Variants in TDRD1 observed in about 807,000 individuals in gnomAD.
TDRD1 encodes tudor domain-containing protein 1.
In TDRD1, 37 loss-of-function variants were observed where a neutral mutation model predicts 140.6. The ratio of observed to expected loss-of-function variants is 0.26; its 90% CI spans 0.20 to 0.35. TDRD1 has a LOEUF of 0.35. TDRD1 is among the 10% of genes least tolerant of loss of function. TDRD1 has a pLI of 1.00. For missense variants in TDRD1, 1,243 were observed against 1,393.0 expected (o/e 0.89, Z 1.71); for synonymous variants, 506 against 475.7 (o/e 1.06, Z -0.83).
intron 18 of TDRD1, among the ~76,000 whole-genome samples, chr10:114,219,220 C>G (rs1282764787): frequency 1.3e-5 from 2 of 152,184 alleles, no homozygotes; most frequent in African/African-American, 2.4e-5. Context: ...CAATAGACGT[C>G]AGAGCCAACT....
chr10:114,212,797 A>G (rs1001986634), intron 14 of TDRD1, among the ~76,000 whole-genome samples: 3 of 152,100 alleles, frequency 2.0e-5, no homozygotes, highest in African/African-American at 7.2e-5. Flanking sequence ...TAATTTTCCT[A>G]CCTACCATAA....
intron 1 of TDRD1, among the ~76,000 whole-genome samples, chr10:114,182,614 G>T (rs964410196): frequency 3.9e-5 from 6 of 152,080 alleles, no homozygotes; most frequent in Admixed American, 2.0e-4. Flanking sequence ...CGGACAGCAG[G>T]TGTCATTTTC....
At chr10:114,226,961 C>T (rs1424440017) in intron 22 of TDRD1, 111 bp from the exon 23 acceptor site, 12 of 646,782 alleles carry the variant, frequency 1.9e-5, no homozygotes, top group East Asian at 2.8e-5. Flanking sequence ...TCAGAACACA[C>T]CTAAATCCAG....
At chr10:114,213,572 C>A in exon 15 of TDRD1, 3 of 1,613,584 alleles carry the variant, frequency 1.9e-6, no homozygotes, top group Non-Finnish European at 2.5e-6. Flanking sequence ...AACCCAGTGA[C>A]GTGAAAGAAA....
At chr10:114,179,448 A>AGGGCCT (rs1291267726) in intron 1 of TDRD1, 32 bp downstream of exon 1, 1 of 150,250 alleles carries the variant, frequency 6.7e-6, no homozygotes. Context: ...GGGGAGGGAG[A>AGGGCCT]GGGCCTGCAT....
At chr10:114,223,514 T>C (rs2036265238) in intron 21 of TDRD1, among the ~76,000 whole-genome samples, 1 of 152,220 alleles carries the variant, frequency 6.6e-6, no homozygotes, top group African/African-American at 2.4e-5. Context: ...ACCAAATTGT[T>C]TTTGTTGGGG....
chr10:114,227,250 T>C, exon 23 of TDRD1: 1 of 1,614,198 alleles, frequency 6.2e-7, no homozygotes, highest in Non-Finnish European at 8.5e-7. Flanking sequence ...TAGTGACATT[T>C]GGTCTGGCAA....
intron 14 of TDRD1, among the ~76,000 whole-genome samples, chr10:114,212,970 C>T (rs2035582705): frequency 6.6e-6 from 1 of 152,196 alleles, no homozygotes; most frequent in African/African-American, 2.4e-5. Context: ...AACTAATCTA[C>T]TTTCTGGCTC....
intron 21 of TDRD1, among the ~76,000 whole-genome samples, chr10:114,223,678 A>T (rs1255332145): frequency 6.6e-6 from 1 of 152,350 alleles, no homozygotes; most frequent in African/African-American, 2.4e-5. Context: ...TTACTTCATT[A>T]GGACTGCATA....
intron 1 of TDRD1, among the ~76,000 whole-genome samples, chr10:114,181,845 CAAAA>C (rs11307772): frequency 3.0e-5 from 4 of 133,952 alleles, no homozygotes; most frequent in African/African-American, 5.6e-5. Context: ...GACAACATCT[CAAAA>C]AAAAAAAAAA....
chr10:114,221,645 C>T (rs1407387029), intron 20 of TDRD1, among the ~76,000 whole-genome samples, 169 bp downstream of exon 20: 1 of 152,174 alleles, frequency 6.6e-6, no homozygotes, highest in Non-Finnish European at 1.5e-5. Flanking sequence ...CTAGCGGGAA[C>T]ATGAAGGGAA....
At chr10:114,210,708 A>C in exon 12 of TDRD1, 1 of 1,612,834 alleles carries the variant, frequency 6.2e-7, no homozygotes, top group Non-Finnish European at 8.5e-7. Context: ...CCCACATTCA[A>C]ACACCAGAAG....
intron 18 of TDRD1, among the ~76,000 whole-genome samples, chr10:114,219,402 T>A (rs937425609): frequency 7.2e-5 from 11 of 152,168 alleles, no homozygotes; most frequent in South Asian, 2.1e-4. Context: ...AAAAACTTTA[T>A]AATAGAATAT....
At chr10:114,189,108 G>T (rs1241947241) in intron 2 of TDRD1, among the ~76,000 whole-genome samples, 1 of 152,208 alleles carries the variant, frequency 6.6e-6, no homozygotes, top group Admixed American at 6.5e-5. Flanking sequence ...CTCAGCTTAA[G>T]GCAGGAGCGC....
chr10:114,214,838 A>C (rs2133096086), intron 16 of TDRD1, among the ~76,000 whole-genome samples: 1 of 151,956 alleles, frequency 6.6e-6, no homozygotes, highest in Middle Eastern at 3.4e-3. Flanking sequence ...CCCAGGTTCA[A>C]GCGATTCTCC....
chr10:114,192,231 G>T (rs1444560010), intron 3 of TDRD1, among the ~76,000 whole-genome samples: 2 of 119,616 alleles, frequency 1.7e-5, no homozygotes, highest in Admixed American at 8.7e-5. Context: ...CTTTAAAACT[G>T]TTTGATACTC....
chr10:114,175,815 T>TA (rs1289128630), upstream of TDRD1, among the ~76,000 whole-genome samples: 2 of 152,174 alleles, frequency 1.3e-5, no homozygotes, highest in African/African-American at 2.4e-5. Flanking sequence ...ACGCACTATG[T>TA]AAAAAAATCA....
intron 3 of TDRD1, among the ~76,000 whole-genome samples, chr10:114,196,660 AT>A (rs1264410412): frequency 2.0e-5 from 3 of 151,568 alleles, no homozygotes; most frequent in African/African-American, 4.8e-5. Context: ...AATTTTAAAA[AT>A]TTCCCCCCCC....
At chr10:114,214,109 A>G (rs1237605094) in exon 16 of TDRD1, 2 of 1,613,122 alleles carry the variant, frequency 1.2e-6, no homozygotes, top group Non-Finnish European at 1.7e-6. Context: ...GTGCTTAAAG[A>G]GGATGGTAAG....
Sources: gnomAD v4.1 joint callset for allele counts (sites outside exome capture counted in the v4.1 genomes callset) on GRCh38, gnomAD v4.1.1 for gene constraint, MANE v1.5 for transcripts, NCBI Gene and HGNC (gene_info 2026-07-23, HGNC 2026-07-21) for gene names.